XPR1: variants seen among roughly 807,000 people sequenced by gnomAD.
XPR1 encodes xenotropic and polytropic retrovirus receptor 1, also known as solute carrier family 53 member 1.
In XPR1, 28 loss-of-function variants were observed where a neutral mutation model predicts 87.5. That is an observed-to-expected ratio of 0.32 (90% CI 0.24 to 0.44). XPR1 has a LOEUF of 0.44. Among genes scored for constraint, XPR1 ranks in the 20% least tolerant of loss-of-function variants. XPR1 has a pLI of 1.00. For missense variants in XPR1, 559 were observed against 862.3 expected (o/e 0.65, Z 4.41); for synonymous variants, 300 against 306.1 (o/e 0.98, Z 0.21).
intron 2 of XPR1, among the ~76,000 whole-genome samples, chr1:180,727,082 C>T (rs1045907943): frequency 2.0e-5 from 3 of 151,826 alleles, no homozygotes; most frequent in African/African-American, 7.3e-5. Context: ...TCACCATGGT[C>T]TCTATCTCCT....
chr1:180,664,751 T>C (rs1232548181), intron 1 of XPR1, among the ~76,000 whole-genome samples: 1 of 152,162 alleles, frequency 6.6e-6, no homozygotes, highest in Non-Finnish European at 1.5e-5. Flanking sequence ...TAGACCAGCA[T>C]TCCCCGACAT....
intron 11 of XPR1, among the ~76,000 whole-genome samples, chr1:180,848,656 T>A (rs1651768742): frequency 6.6e-6 from 1 of 152,164 alleles, no homozygotes; most frequent in South Asian, 2.1e-4. Flanking sequence ...TTATACTGAT[T>A]TCTTTTTCTT....
At chr1:180,715,404 A>G (rs1005803092) in intron 2 of XPR1, among the ~76,000 whole-genome samples, 2 of 152,192 alleles carry the variant, frequency 1.3e-5, no homozygotes, top group African/African-American at 4.8e-5. Flanking sequence ...AGAATGGATA[A>G]GGATCTTAGA....
Position 180,711,062 on chromosome 1 carries a change from C to A in XPR1, c.121+28651C>A, listed in dbSNP as rs186740920. Among the ~76,000 whole-genome samples, 92 of 150,640 alleles carry A rather than the reference C, an allele frequency of 6.1e-4. 1 individual carries two copies. The East Asian group carries it at 0.017, about 28-fold the overall frequency. ...CTCCTCACTTCTCAGACGGGGCGGCCGGGCAGAGACGCTCCTCACCTCCCA... is the reference window on the plus strand; with the variant it reads ...CTCCTCACTTCTCAGACGGGGCGGCAGGGCAGAGACGCTCCTCACCTCCCA... On this transcript the variant is annotated intron_variant, in intron 2 of 14. Transcript: ENST00000367590.
rs1048482412 is a variant in XPR1, at chr1:180,806,272, C to T, written c.597+61C>T. On this transcript the variant is annotated intron_variant, in intron 5 of 14. Coordinates refer to ENST00000367590, the MANE Select transcript of XPR1 (RefSeq NM_004736.4). The stretch of plus-strand genomic sequence containing the variant: ...GTTACACGTTTTATATTTAGGGAAG[C>T]AATTCCTTATTTCTGTTATTTTGTA... 31 of 1,581,034 alleles carry T rather than the reference C, an allele frequency of 2.0e-5. No individual in the cohort carries two copies. In the African/African-American group the frequency reaches 3.3e-4, roughly 17 times the overall value.
At chr1:180,792,991 A>G (rs1339509907) in intron 3 of XPR1, among the ~76,000 whole-genome samples, 1 of 152,090 alleles carries the variant, frequency 6.6e-6, no homozygotes, top group Non-Finnish European at 1.5e-5. Context: ...TGAAATAGCT[A>G]AGTGCTTTTT....
At position 180,874,181 on chromosome 1, in the gene XPR1, T is replaced by C. The variant is rs547214293; in HGVS notation, c.1808+239T>C. 2.9e-4 allele frequency: 118 copies of C among 409,652 alleles called. 2 individuals are homozygous for C. The highest frequency in any genetic ancestry group is 1.1e-3 in the Admixed American group (27 of 25,102). The allele number at this position is 409,652 out of a possible 1,614,324, so 25.4% of individuals were successfully genotyped here. On this transcript the variant is annotated intron_variant, in intron 13 of 14. Coordinates refer to ENST00000367590, the MANE Select transcript of XPR1 (RefSeq NM_004736.4). ...AAGTGCTGGGATTACAGGCGTGAGC[T>C]ACTGTGCCCGGCCCAGAGGTTAATT... is the stretch of plus-strand genomic sequence containing the variant.
intron 14 of XPR1, 102 bp downstream of exon 14, chr1:180,880,399 C>A: frequency 1.6e-6 from 2 of 1,280,042 alleles, no homozygotes; most frequent in Non-Finnish European, 2.2e-6. Flanking sequence ...ATGAAATTGC[C>A]AATACTCAGC....
chr1:180,687,377 A>G (rs1328964077), intron 2 of XPR1, among the ~76,000 whole-genome samples: 3 of 152,202 alleles, frequency 2.0e-5, no homozygotes, highest in Non-Finnish European at 4.4e-5. Flanking sequence ...TTATCCAGAG[A>G]CATTAACTTC....
chr1:180,875,508 C>CAA (rs1167673409), intron 13 of XPR1, among the ~76,000 whole-genome samples: 5,575 of 62,714 alleles, frequency 0.089, 190 homozygotes, highest in Non-Finnish European at 0.14. Flanking sequence ...GACTCCGTCT[C>CAA]AAAAAAAAAA....
At chr1:180,809,552 AT>A (rs1409323200) in intron 6 of XPR1, among the ~76,000 whole-genome samples, 1 of 152,142 alleles carries the variant, frequency 6.6e-6, no homozygotes. Flanking sequence ...AGTATGTGCA[AT>A]TTTTTTATGT....
chr1:180,705,981 T>C (rs928343330), intron 2 of XPR1, among the ~76,000 whole-genome samples: 1 of 152,174 alleles, frequency 6.6e-6, no homozygotes, highest in Non-Finnish European at 1.5e-5. Flanking sequence ...GGAGAGGGCC[T>C]TCTAAGCACA....
chr1:180,717,236 G>A (rs111719473), intron 2 of XPR1, among the ~76,000 whole-genome samples: 6,543 of 152,100 alleles, frequency 0.043, 503 homozygotes, highest in African/African-American at 0.15. Flanking sequence ...CAGGTGATCC[G>A]CCCACTTTGG....
chr1:180,741,139 C>T (rs1658908166), intron 2 of XPR1, among the ~76,000 whole-genome samples: 1 of 152,072 alleles, frequency 6.6e-6, no homozygotes, highest in Non-Finnish European at 1.5e-5. Flanking sequence ...TGGTTGATCC[C>T]CTCCTTGAAG....
intron 2 of XPR1, among the ~76,000 whole-genome samples, chr1:180,702,368 A>G (rs907791894): frequency 1.6e-4 from 23 of 146,262 alleles, no homozygotes; most frequent in Admixed American, 6.2e-4. Flanking sequence ...TATGTGGTCA[A>G]TTTTGGAATA....
intron 1 of XPR1, among the ~76,000 whole-genome samples, chr1:180,652,094 C>G (rs149370860): frequency 3.3e-5 from 5 of 152,228 alleles, no homozygotes; most frequent in African/African-American, 9.6e-5. Context: ...GAGTTTGAGA[C>G]CAGCCTGGTC....
chr1:180,782,089 C>A (rs1263975626), intron 2 of XPR1, among the ~76,000 whole-genome samples: 1 of 152,014 alleles, frequency 6.6e-6, no homozygotes, highest in Non-Finnish European at 1.5e-5. Context: ...TTATTTAACT[C>A]AGAGCAAAGG....
chr1:180,667,089 T>A (rs910195274), intron 1 of XPR1, among the ~76,000 whole-genome samples: 1 of 152,040 alleles, frequency 6.6e-6, no homozygotes, highest in African/African-American at 2.4e-5. Context: ...ATTTTTGTAT[T>A]TTTTTTGTAG....
chr1:180,634,243 T>C (rs1384966830), intron 1 of XPR1, among the ~76,000 whole-genome samples: 1 of 152,210 alleles, frequency 6.6e-6, no homozygotes, highest in Non-Finnish European at 1.5e-5. Flanking sequence ...TTATAAATTA[T>C]GTTTTGAAAA....
Sources: gnomAD v4.1 joint callset for allele counts (sites outside exome capture counted in the v4.1 genomes callset) on GRCh38, gnomAD v4.1.1 for gene constraint, MANE v1.5 for transcripts, NCBI Gene and HGNC (gene_info 2026-07-23, HGNC 2026-07-21) for gene names.